Variants in TRAPPC9 observed in about 807,000 individuals in gnomAD.
The protein encoded by TRAPPC9 is trafficking protein particle complex subunit 9.
TRAPPC9 carries 83 observed loss-of-function variants against 124.0 expected under a neutral mutation model. That is an observed-to-expected ratio of 0.67 (90% CI 0.56 to 0.80). TRAPPC9 has a LOEUF of 0.80. TRAPPC9 is among the 30% of genes least tolerant of loss of function. The pLI is 0.00. For synonymous variants in TRAPPC9, 638 were observed against 617.5 expected (o/e 1.03, Z -0.49); for missense variants, 1,302 against 1,508.3 (o/e 0.86, Z 2.27).
chr8:139,748,172 G>A (rs1819058710), intron 21 of TRAPPC9, among the ~76,000 whole-genome samples: 1 of 71,474 alleles, frequency 1.4e-5, no homozygotes, highest in African/African-American at 9.1e-5. Context: ...GTGGGTGTGG[G>A]GGTGTCCCGG....
At chr8:139,827,025 G>GT in intron 21 of TRAPPC9, among the ~76,000 whole-genome samples, 1 of 152,258 alleles carries the variant, frequency 6.6e-6, no homozygotes, top group Non-Finnish European at 1.5e-5. Context: ...TCACTCTGCA[G>GT]TAGCTCCCAA....
At chr8:139,893,137 C>A (rs1036037964) in intron 20 of TRAPPC9, among the ~76,000 whole-genome samples, 2 of 152,252 alleles carry the variant, frequency 1.3e-5, no homozygotes, top group Non-Finnish European at 2.9e-5. Flanking sequence ...TGGTGAGGGG[C>A]TCCTTCCTCT....
intron 21 of TRAPPC9, among the ~76,000 whole-genome samples, chr8:139,862,064 A>G (rs1172835959): frequency 6.6e-6 from 1 of 152,262 alleles, no homozygotes; most frequent in Non-Finnish European, 1.5e-5. Flanking sequence ...TGTGTACATT[A>G]CCTGATTTCA....
chr8:140,272,198 G>A (rs1489797277), intron 15 of TRAPPC9, among the ~76,000 whole-genome samples: 1 of 136,424 alleles, frequency 7.3e-6, no homozygotes, highest in Non-Finnish European at 1.6e-5. Context: ...GGTGGTGATG[G>A]TGGCAGTGGT....
intron 21 of TRAPPC9, among the ~76,000 whole-genome samples, chr8:139,861,322 C>A (rs1039530468): frequency 6.6e-6 from 1 of 152,068 alleles, no homozygotes; most frequent in Non-Finnish European, 1.5e-5. Flanking sequence ...AAGCTAATTC[C>A]GATTGGCTAC....
chr8:140,229,304 C>T (rs1331628705), intron 16 of TRAPPC9, among the ~76,000 whole-genome samples: 1 of 136,078 alleles, frequency 7.3e-6, no homozygotes, highest in African/African-American at 2.9e-5. Flanking sequence ...TCTCTGTCGC[C>T]CAGGCTGGAG....
rs146093601 is a variant in TRAPPC9 at position 140,062,760 on chromosome 8, G to A, written c.2557-38681C>T. ...TTACCGGCACGCACAGTGGCACCTG[G>A]CACATGGTGGCACTCAGAAAGCTTC... On this transcript the variant is annotated intron_variant, in intron 17 of 22. Coordinates refer to ENST00000438773, the MANE Select transcript of TRAPPC9 (RefSeq NM_001160372.4). Among the ~76,000 whole-genome samples the A allele has an allele frequency of 6.3e-3, 958 of 152,164 alleles. 11 individuals are homozygous for A. Among genetic ancestry groups the A allele is most frequent in the African/African-American group, 0.021 (883 of 41,516 alleles).
chr8:139,839,677 TA>T (rs1183268112), intron 21 of TRAPPC9, among the ~76,000 whole-genome samples: 4 of 152,206 alleles, frequency 2.6e-5, no homozygotes, highest in Non-Finnish European at 5.9e-5. Flanking sequence ...GCTTGTTTCC[TA>T]GGGGCGCCTA....
chr8:139,816,005 C>T (rs1259676970), intron 21 of TRAPPC9, among the ~76,000 whole-genome samples: 3 of 152,170 alleles, frequency 2.0e-5, no homozygotes, highest in South Asian at 2.1e-4. Flanking sequence ...GGGGACCGGG[C>T]GGGTGGATTC....
intron 5 of TRAPPC9, among the ~76,000 whole-genome samples, chr8:140,425,167 A>G (rs374357294): frequency 1.9e-4 from 29 of 152,336 alleles, no homozygotes; most frequent in African/African-American, 7.0e-4. Flanking sequence ...GTCCTGATAC[A>G]AAGGTCCCCA....
chr8:140,084,761 G>A (rs1252666103), intron 17 of TRAPPC9, among the ~76,000 whole-genome samples: 1 of 152,196 alleles, frequency 6.6e-6, no homozygotes, highest in African/African-American at 2.4e-5. Context: ...CTGGCTCTGG[G>A]GCCTGAAACC....
intron 17 of TRAPPC9, among the ~76,000 whole-genome samples, chr8:140,189,178 A>C (rs1057411837): frequency 6.6e-6 from 1 of 152,214 alleles, no homozygotes; most frequent in Non-Finnish European, 1.5e-5. Context: ...CAGCTTCCTA[A>C]GTGGCCTAAC....
At chr8:140,159,682 A>T (rs1375335001) in intron 17 of TRAPPC9, among the ~76,000 whole-genome samples, 1 of 152,178 alleles carries the variant, frequency 6.6e-6, no homozygotes, top group Non-Finnish European at 1.5e-5. Context: ...GTAAAAGAGG[A>T]GCAAAAAAAA....
intron 21 of TRAPPC9, among the ~76,000 whole-genome samples, chr8:139,854,270 C>T (rs1349126616): frequency 6.6e-6 from 1 of 152,244 alleles, no homozygotes; most frequent in Non-Finnish European, 1.5e-5. Context: ...GAAGTCATCT[C>T]ACTTTCTTTG....
At chr8:140,359,817 C>G (rs144058511) in intron 9 of TRAPPC9, among the ~76,000 whole-genome samples, 1 of 151,986 alleles carries the variant, frequency 6.6e-6, no homozygotes, top group African/African-American at 2.4e-5. Flanking sequence ...GTGTGGCGGC[C>G]GAGGAGCAGG....
At chr8:140,304,687 G>A (rs1588126312) in intron 10 of TRAPPC9, among the ~76,000 whole-genome samples, 1 of 152,194 alleles carries the variant, frequency 6.6e-6, no homozygotes, top group Non-Finnish European at 1.5e-5. Flanking sequence ...GCTCCCCTCA[G>A]TCAGCATCGG....
rs547559495 is a variant in TRAPPC9 at position 140,348,319 on chromosome 8, C to G, written c.1495+11731G>C. 4.6e-5 allele frequency among the ~76,000 whole-genome samples: 7 copies of G among 152,276 alleles called. No homozygotes were observed. The South Asian group carries it at 1.5e-3, about 32-fold the overall frequency. On this transcript the variant is annotated intron_variant, in intron 9 of 22. Coordinates refer to ENST00000438773, the MANE Select transcript of TRAPPC9 (RefSeq NM_001160372.4). ...CAATCAGAAGACTGGAAAAGAACTT[C>G]ACATAAAAGAGATACAACAAACAAA... is the stretch of plus-strand genomic sequence containing the variant.
chr8:140,236,079 CTTTTTTTTTTTT>C (rs765201850), intron 16 of TRAPPC9, among the ~76,000 whole-genome samples: 2 of 111,722 alleles, frequency 1.8e-5, no homozygotes, highest in African/African-American at 6.9e-5. Context: ...ACTGTATTTC[CTTTTTTTTTTTT>C]TTTTTTTTTG....
intron 10 of TRAPPC9, among the ~76,000 whole-genome samples, chr8:140,309,271 T>C (rs1016343008): frequency 6.6e-6 from 1 of 152,264 alleles, no homozygotes; most frequent in Admixed American, 6.5e-5. Flanking sequence ...TTTGTGTGCC[T>C]CTGCTCAGCT....
Sources: allele counts gnomAD v4.1 joint callset (sites outside exome capture counted in the v4.1 genomes callset), GRCh38; gene constraint gnomAD v4.1.1; transcripts MANE v1.5; gene names NCBI Gene and HGNC (gene_info 2026-07-23, HGNC 2026-07-21).